The following NOL4 variants were observed in gnomAD, a reference collection of about 807,000 sequenced individuals.
NOL4 encodes cancer/testis antigen 125.
NOL4 carries 17 observed loss-of-function variants against 75.9 expected under a neutral mutation model. That is an observed-to-expected ratio of 0.22 (90% CI 0.15 to 0.34). The LOEUF is 0.34. Ranked by LOEUF, NOL4 falls within the 10% of genes least tolerant of loss-of-function variation. NOL4 has a pLI of 1.00. For synonymous variants in NOL4, 292 were observed against 289.9 expected (o/e 1.01, Z -0.07); for missense variants, 614 against 793.5 (o/e 0.77, Z 2.72).
Position 34,111,921 on chromosome 18 carries a change from A to G in NOL4, c.415-6761T>C, listed in dbSNP as rs867971980. ...ATCAACCCAGCCATTATAGAAAACA[A>G]TATGGTGGTTCCCCTAGAAATTGAA... On this transcript the variant is annotated intron_variant, in intron 2 of 10. Transcript: ENST00000261592. 9.8e-5 allele frequency among the ~76,000 whole-genome samples: 15 copies of G among 152,314 alleles called. No homozygotes were observed. The South Asian group carries it at 3.1e-3, about 32-fold the overall frequency.
At chr18:34,046,607 CATATATATATAT>C (rs35281852) in intron 5 of NOL4, among the ~76,000 whole-genome samples, 27 of 81,646 alleles carry the variant, frequency 3.3e-4, no homozygotes, top group Non-Finnish European at 4.3e-4. Context: ...TTTACTTATA[CATATATATATAT>C]ATATATATAT....
At chr18:33,905,159 C>T (rs1401558395) in intron 9 of NOL4, among the ~76,000 whole-genome samples, 2 of 152,104 alleles carry the variant, frequency 1.3e-5, no homozygotes, top group Non-Finnish European at 2.9e-5. Flanking sequence ...TTAGCAATTG[C>T]CAAATATGTT....
chr18:34,176,320 C>T (rs1162845632), intron 1 of NOL4, among the ~76,000 whole-genome samples: 2 of 151,856 alleles, frequency 1.3e-5, no homozygotes, highest in African/African-American at 4.8e-5. Context: ...GTGAACAGAA[C>T]CTTAGAGGCC....
chr18:33,973,336 T>TG (rs1385716278), intron 6 of NOL4, among the ~76,000 whole-genome samples: 1 of 152,154 alleles, frequency 6.6e-6, no homozygotes, highest in African/African-American at 2.4e-5. Context: ...CTACTTCTCT[T>TG]GCTATTTCCA....
intron 10 of NOL4, among the ~76,000 whole-genome samples, chr18:33,864,824 T>G (rs1198692879): frequency 6.6e-6 from 1 of 152,276 alleles, no homozygotes; most frequent in Admixed American, 6.5e-5. Flanking sequence ...CCCAGGAAAC[T>G]TACAATCATG....
intron 5 of NOL4, among the ~76,000 whole-genome samples, chr18:34,053,834 A>G (rs377488133): frequency 1.3e-5 from 2 of 151,936 alleles, no homozygotes; most frequent in Admixed American, 1.3e-4. Context: ...TAAATTTAAT[A>G]TATCCAATTG....
chr18:34,147,476 T>C lies in NOL4; in HGVS notation c.265-17456A>G, dbSNP rs551992803. 6.6e-5 allele frequency among the ~76,000 whole-genome samples: 10 copies of C among 152,308 alleles called. No individual in the cohort carries two copies. In the East Asian group the frequency reaches 1.5e-3, roughly 23 times the overall value. Reference sequence around the variant, plus strand: ...TTTTCTCCATCTATTGAGATAATCATGTGGTTTTTGTCATTGGTTCTGTTT... The same window carrying C: ...TTTTCTCCATCTATTGAGATAATCACGTGGTTTTTGTCATTGGTTCTGTTT... On this transcript the variant is annotated intron_variant, in intron 1 of 10. Coordinates refer to ENST00000261592, the MANE Select transcript of NOL4 (RefSeq NM_003787.5).
At chr18:33,924,775 T>C (rs1367193652) in intron 9 of NOL4, among the ~76,000 whole-genome samples, 1 of 152,228 alleles carries the variant, frequency 6.6e-6, no homozygotes, top group Non-Finnish European at 1.5e-5. Flanking sequence ...TGCTGATAGT[T>C]GTTGCTACAT....
At chr18:33,910,270 C>A (rs2066315058) in intron 9 of NOL4, among the ~76,000 whole-genome samples, 1 of 152,016 alleles carries the variant, frequency 6.6e-6, no homozygotes, top group African/African-American at 2.4e-5. Context: ...GGGGGTATAC[C>A]CACTGTGAAC....
intron 4 of NOL4, among the ~76,000 whole-genome samples, chr18:34,096,140 T>A (rs1197541281): frequency 1.3e-5 from 2 of 152,052 alleles, no homozygotes; most frequent in African/African-American, 2.4e-5. Flanking sequence ...TACATTTTAA[T>A]AAATTCAGAT....
intron 2 of NOL4, among the ~76,000 whole-genome samples, chr18:34,125,026 T>A (rs983901015): frequency 6.6e-6 from 1 of 152,128 alleles, no homozygotes; most frequent in Non-Finnish European, 1.5e-5. Context: ...TAGCTAGAGA[T>A]GAGAGACAGA....
At chr18:34,057,055 A>T (rs1241038358) in intron 5 of NOL4, among the ~76,000 whole-genome samples, 1 of 152,188 alleles carries the variant, frequency 6.6e-6, no homozygotes, top group African/African-American at 2.4e-5. Context: ...GCATAGGAGG[A>T]AGTCCTGGAG....
At chr18:33,895,379 C>G (rs555367247) in intron 9 of NOL4, among the ~76,000 whole-genome samples, 1 of 152,140 alleles carries the variant, frequency 6.6e-6, no homozygotes, top group Admixed American at 6.6e-5. Flanking sequence ...AAATGTAACA[C>G]TTTCCATTTA....
intron 5 of NOL4, among the ~76,000 whole-genome samples, chr18:34,034,401 T>C (rs2075785532): frequency 6.6e-6 from 1 of 152,048 alleles, no homozygotes; most frequent in South Asian, 2.1e-4. Flanking sequence ...AGACTCATTA[T>C]AGAATGAAAG....
intron 9 of NOL4, among the ~76,000 whole-genome samples, chr18:33,920,484 A>G (rs2066970599): frequency 6.6e-6 from 1 of 152,242 alleles, no homozygotes; most frequent in African/African-American, 2.4e-5. Context: ...GCATTCTTCA[A>G]AAAGTGCAAT....
intron 5 of NOL4, among the ~76,000 whole-genome samples, chr18:34,043,025 A>C (rs182733643): frequency 1.3e-5 from 2 of 152,200 alleles, no homozygotes; most frequent in Admixed American, 1.3e-4. Context: ...TAGGATTTAC[A>C]TTACAGTACA....
chr18:34,188,582 T>G (rs538873206), intron 1 of NOL4, among the ~76,000 whole-genome samples: 14 of 152,340 alleles, frequency 9.2e-5, no homozygotes, highest in African/African-American at 3.4e-4. Flanking sequence ...GATACAATCC[T>G]ATTTTATAAT....
At chr18:34,004,874 T>C (rs1244421391) in intron 6 of NOL4, among the ~76,000 whole-genome samples, 1 of 152,094 alleles carries the variant, frequency 6.6e-6, no homozygotes, top group African/African-American at 2.4e-5. Context: ...TATTACTTTA[T>C]TGCACTTATC....
At chr18:33,862,639 A>C (rs946322698) in intron 10 of NOL4, among the ~76,000 whole-genome samples, 3 of 152,268 alleles carry the variant, frequency 2.0e-5, no homozygotes, top group Non-Finnish European at 2.9e-5. Flanking sequence ...TCAAAAGAAG[A>C]CATTTATGCA....
Sources: allele counts gnomAD v4.1 joint callset (sites outside exome capture counted in the v4.1 genomes callset), GRCh38; gene constraint gnomAD v4.1.1; transcripts MANE v1.5; gene names NCBI Gene and HGNC (gene_info 2026-07-23, HGNC 2026-07-21).